ITSN2: variants seen among roughly 807,000 people sequenced by gnomAD.
ITSN2 encodes the protein intersectin-2.
ITSN2 carries 156 observed loss-of-function variants against 243.7 expected under a neutral mutation model. The ratio of observed to expected loss-of-function variants is 0.64; its 90% CI spans 0.56 to 0.73. The LOEUF (loss-of-function observed/expected upper bound fraction) is 0.73, where lower values mean the gene tolerates loss of function less well. ITSN2 is among the 30% of genes least tolerant of loss of function. The pLI is 0.00. For missense variants in ITSN2, 1,801 were observed against 1,996.1 expected, an observed-to-expected ratio of 0.90 and a Z score of 1.86; for synonymous variants, 703 against 699.9, an observed-to-expected ratio of 1.00 and a Z score of -0.07.
At chr2:24,302,671 G>A (rs947239637) in intron 9 of ITSN2, among the ~76,000 whole-genome samples, 5 of 152,110 alleles carry the variant, frequency 3.3e-5, no homozygotes, top group African/African-American at 9.7e-5. Flanking sequence ...TAAAAGAGAG[G>A]GAAGAAACTT....
chr2:24,206,584 G>A (rs937429118), intron 37 of ITSN2, among the ~76,000 whole-genome samples: 2 of 151,912 alleles, frequency 1.3e-5, no homozygotes, highest in African/African-American at 4.8e-5. Flanking sequence ...TGGGGTGGGG[G>A]GTGCTTTACA....
At chr2:24,315,915 T>G (rs1180437619) in intron 2 of ITSN2, among the ~76,000 whole-genome samples, 1 of 152,212 alleles carries the variant, frequency 6.6e-6, no homozygotes, top group Non-Finnish European at 1.5e-5. Context: ...CAGCTAGTTC[T>G]TTATAGCAGT....
chr2:24,208,104 C>T, intron 37 of ITSN2, 133 bp downstream of exon 37: 2 of 785,506 alleles, frequency 2.5e-6, no homozygotes, highest in Non-Finnish European at 4.2e-6. Flanking sequence ...GAGGGGAGGG[C>T]TCTCTGGTCT....
chr2:24,264,408 A>G (rs1362594751), intron 20 of ITSN2, among the ~76,000 whole-genome samples: 1 of 76,800 alleles, frequency 1.3e-5, no homozygotes, highest in African/African-American at 5.3e-5. Context: ...AAAGAAAGAA[A>G]GAAAGAAACA....
chr2:24,345,963 G>A (rs954874351), intron 1 of ITSN2, among the ~76,000 whole-genome samples: 1 of 152,128 alleles, frequency 6.6e-6, no homozygotes, highest in Non-Finnish European at 1.5e-5. Flanking sequence ...AGGGTTTTAT[G>A]TATATATTTG....
intron 32 of ITSN2, among the ~76,000 whole-genome samples, chr2:24,215,602 G>A (rs1669876589): frequency 1.3e-5 from 2 of 150,644 alleles, no homozygotes; most frequent in African/African-American, 2.5e-5. Context: ...GGGAGGCAGA[G>A]GTTGCAGTGA....
At chr2:24,282,279 A>ACCAGCAGG (rs1177526809) in intron 17 of ITSN2, among the ~76,000 whole-genome samples, 2 of 152,234 alleles carry the variant, frequency 1.3e-5, no homozygotes, top group East Asian at 3.9e-4. Context: ...GTCAACAGGC[A>ACCAGCAGG]CCAGCAGGCC....
intron 1 of ITSN2, among the ~76,000 whole-genome samples, chr2:24,356,345 C>CAAAAAAAAAAAAAAAAGAAAAAAAAA: frequency 9.1e-6 from 1 of 109,394 alleles, no homozygotes; most frequent in Non-Finnish European, 1.9e-5. Flanking sequence ...GACCCTGTCT[C>CAAAAAAAAAAAAAAAAGAAAAAAAAA]AAAAAAAAAA....
intron 20 of ITSN2, among the ~76,000 whole-genome samples, chr2:24,267,555 G>A (rs1676823543): frequency 1.3e-5 from 2 of 151,722 alleles, no homozygotes; most frequent in Admixed American, 1.3e-4. Flanking sequence ...GGACTTGGCT[G>A]GCTGGCTGAC....
rs1393892077 is a variant in ITSN2, at chr2:24,320,212, AC to A, written c.32-4989del. On this transcript the variant is annotated intron_variant, in intron 2 of 39. Transcript: ENST00000355123. Reference sequence around the variant, plus strand: ...GGCAACATAGTGAGACCCCATCTCTACAAAAAAACTTAAAAAAATTAGCCAG... The same window carrying A: ...GGCAACATAGTGAGACCCCATCTCTAAAAAAAACTTAAAAAAATTAGCCAG... Among the ~76,000 whole-genome samples, 6 of 6,462 alleles carry A rather than the reference AC, an allele frequency of 9.3e-4. No homozygotes were observed. The East Asian group carries it at 0.068, about 73-fold the overall frequency. The allele number at this position is 6,462 out of a possible 152,430, so 4.2% of individuals were successfully genotyped here.
At chr2:24,253,265 C>T (rs1283241396) in intron 24 of ITSN2, among the ~76,000 whole-genome samples, 2 of 152,164 alleles carry the variant, frequency 1.3e-5, no homozygotes, top group African/African-American at 4.8e-5. Flanking sequence ...ATGAGAAACA[C>T]CACCTACAAC....
At chr2:24,298,934 G>A (rs1681353847) in intron 12 of ITSN2, 120 bp from the exon 13 acceptor site, 1 of 756,318 alleles carries the variant, frequency 1.3e-6, no homozygotes, top group Non-Finnish European at 2.0e-6. Flanking sequence ...TAGTGCCTAA[G>A]GGTAGCTAGG....
intron 9 of ITSN2, among the ~76,000 whole-genome samples, chr2:24,302,462 T>C (rs1681905750): frequency 6.6e-6 from 1 of 152,150 alleles, no homozygotes; most frequent in South Asian, 2.1e-4. Context: ...CCTCCCAAAG[T>C]GCTGAGATTA....
intron 24 of ITSN2, among the ~76,000 whole-genome samples, chr2:24,253,533 G>T (rs1233571659): frequency 6.6e-6 from 1 of 152,182 alleles, no homozygotes; most frequent in African/African-American, 2.4e-5. Context: ...CACTCTGCTA[G>T]ATCCTACTCA....
At chr2:24,275,643 C>G (rs1198052963) in intron 18 of ITSN2, 70 bp downstream of exon 18, 4 of 1,276,616 alleles carry the variant, frequency 3.1e-6, no homozygotes, top group Non-Finnish European at 4.3e-6. Context: ...TTTTCATAAA[C>G]TAAAGATATG....
rs116677585 is a variant in ITSN2, at chr2:24,267,021, C to T, written c.2355+3650G>A. On this transcript the variant is annotated intron_variant, in intron 20 of 39. Coordinates refer to ENST00000355123, the MANE Select transcript of ITSN2 (RefSeq NM_006277.3). ...GAATACAATAAACCCTGAGGAATTA[C>T]ACAAACCAAAGTATTTCAATGCTGC... Among the ~76,000 whole-genome samples, 1,103 of 152,244 alleles carry T rather than the reference C, an allele frequency of 7.2e-3. 8 individuals are homozygous for T. Among genetic ancestry groups the T allele is most frequent in the African/African-American group, 0.026 (1,062 of 41,538 alleles).
At chr2:24,226,965 A>T (rs1302245300) in intron 29 of ITSN2, among the ~76,000 whole-genome samples, 1 of 152,150 alleles carries the variant, frequency 6.6e-6, no homozygotes, top group Non-Finnish European at 1.5e-5. Flanking sequence ...AAAATACAAA[A>T]ATTAGCCAGG....
At chr2:24,333,318 A>G (rs994415353) in intron 1 of ITSN2, among the ~76,000 whole-genome samples, 4 of 152,236 alleles carry the variant, frequency 2.6e-5, no homozygotes, top group Admixed American at 2.6e-4. Context: ...GACAGCATCA[A>G]TCACATACAT....
intron 37 of ITSN2, among the ~76,000 whole-genome samples, chr2:24,207,350 C>T (rs766334440): frequency 6.6e-6 from 1 of 151,882 alleles, no homozygotes; most frequent in Non-Finnish European, 1.5e-5. Context: ...CCTGGGTGGC[C>T]AGGGACCACA....
Sources: allele counts gnomAD v4.1 joint callset (sites outside exome capture counted in the v4.1 genomes callset), GRCh38; gene constraint gnomAD v4.1.1; transcripts MANE v1.5; gene names NCBI Gene and HGNC (gene_info 2026-07-23, HGNC 2026-07-21).